PARM1: variants seen among roughly 807,000 people sequenced by gnomAD.
PARM1 encodes WSC4, cell wall integrity and stress response component 4 homolog.
In PARM1, 14 loss-of-function variants were observed where a neutral mutation model predicts 24.6. The observed-to-expected ratio is 0.57, with a 90% CI of 0.38 to 0.89. The LOEUF is 0.89. Among genes scored for constraint, PARM1 ranks in the 40% least tolerant of loss-of-function variants. PARM1 has a pLI of 0.00. For synonymous variants in PARM1, 179 were observed against 156.6 expected (o/e 1.14, Z -1.07); for missense variants, 362 against 380.4 (o/e 0.95, Z 0.40).
intron 1 of PARM1, among the ~76,000 whole-genome samples, chr4:75,001,305 G>A (rs898145784): frequency 6.6e-6 from 1 of 152,200 alleles, no homozygotes; most frequent in African/African-American, 2.4e-5. Flanking sequence ...TAAATGATGA[G>A]TTAGTAATAC....
At chr4:75,014,428 G>T (rs151038358) in intron 2 of PARM1, among the ~76,000 whole-genome samples, 2 of 152,232 alleles carry the variant, frequency 1.3e-5, no homozygotes, top group African/African-American at 4.8e-5. Flanking sequence ...GAACCACAGG[G>T]GGTCACAATA....
intron 2 of PARM1, among the ~76,000 whole-genome samples, chr4:75,016,003 G>T (rs1722979089): frequency 6.6e-6 from 1 of 152,146 alleles, no homozygotes; most frequent in Admixed American, 6.5e-5. Context: ...ATTCTGTGTG[G>T]GTTCACGTAG....
At chr4:74,957,718 G>A (rs1274149238) in intron 1 of PARM1, among the ~76,000 whole-genome samples, 3 of 152,170 alleles carry the variant, frequency 2.0e-5, no homozygotes, top group African/African-American at 7.2e-5. Flanking sequence ...GGGAATTGGG[G>A]TGGTGCTGTT....
intron 2 of PARM1, among the ~76,000 whole-genome samples, chr4:75,028,044 T>C (rs376644673): frequency 3.3e-5 from 5 of 152,346 alleles, no homozygotes; most frequent in African/African-American, 4.8e-5. Context: ...TGTGACTCAG[T>C]TTCCCCAACT....
chr4:74,943,626 G>A (rs1721355172), intron 1 of PARM1, among the ~76,000 whole-genome samples: 1 of 152,132 alleles, frequency 6.6e-6, no homozygotes, highest in Admixed American at 6.5e-5. Flanking sequence ...TTTATTTGGT[G>A]CCATAGACAT....
At chr4:74,999,328 C>A (rs1284004486) in intron 1 of PARM1, among the ~76,000 whole-genome samples, 2 of 152,216 alleles carry the variant, frequency 1.3e-5, no homozygotes, top group Admixed American at 1.3e-4. Flanking sequence ...TACTTAATTA[C>A]TTACCAGTCC....
At chr4:75,039,667 A>C (rs1359524136) in intron 3 of PARM1, among the ~76,000 whole-genome samples, 1 of 152,166 alleles carries the variant, frequency 6.6e-6, no homozygotes. Context: ...CAAGGATCAC[A>C]CTTTGAGTAG....
chr4:75,040,075 G>A (rs944609241), intron 3 of PARM1, among the ~76,000 whole-genome samples: 7 of 152,282 alleles, frequency 4.6e-5, no homozygotes, highest in Admixed American at 2.0e-4. Context: ...AGTACCTGAC[G>A]TATAGTAGTT....
At chr4:74,951,523 G>A (rs550893769) in intron 1 of PARM1, among the ~76,000 whole-genome samples, 1 of 152,176 alleles carries the variant, frequency 6.6e-6, no homozygotes, top group Non-Finnish European at 1.5e-5. Flanking sequence ...ATGTGCCATG[G>A]TGGTTTGCTG....
At chr4:74,999,435 A>G (rs1191508451) in intron 1 of PARM1, among the ~76,000 whole-genome samples, 1 of 152,206 alleles carries the variant, frequency 6.6e-6, no homozygotes, top group African/African-American at 2.4e-5. Flanking sequence ...ACCTTTATTC[A>G]GAGAGGTCAG....
intron 1 of PARM1, among the ~76,000 whole-genome samples, chr4:74,990,858 A>G (rs1722453692): frequency 6.6e-6 from 1 of 152,172 alleles, no homozygotes. Context: ...GACAAAGATA[A>G]TAGCTGAAGC....
chr4:75,024,307 T>C (rs1262919343), intron 2 of PARM1, among the ~76,000 whole-genome samples: 3 of 151,418 alleles, frequency 2.0e-5, no homozygotes, highest in African/African-American at 2.4e-5. Flanking sequence ...ATTAATGACA[T>C]GGAGTAAGGC....
intron 1 of PARM1, chr4:74,956,642 C>A (rs1447316869): frequency 1.3e-5 from 2 of 152,110 alleles, no homozygotes; most frequent in East Asian, 3.8e-4. Context: ...AACAGGGGGA[C>A]TGTGAGAGAG....
intron 2 of PARM1, among the ~76,000 whole-genome samples, chr4:75,027,239 C>T (rs139566285): frequency 9.2e-5 from 14 of 152,244 alleles, no homozygotes; most frequent in Non-Finnish European, 1.8e-4. Context: ...CACTTGTCTC[C>T]GCCATGGAGT....
chr4:75,007,770 G>A (rs1308510482), intron 1 of PARM1, among the ~76,000 whole-genome samples: 1 of 152,136 alleles, frequency 6.6e-6, no homozygotes, highest in East Asian at 1.9e-4. Context: ...AGATCATGTG[G>A]GTGGGGCCCT....
chr4:75,006,096 A>G (rs1722763160), intron 1 of PARM1, among the ~76,000 whole-genome samples: 2 of 152,230 alleles, frequency 1.3e-5, no homozygotes, highest in South Asian at 4.1e-4. Flanking sequence ...TTCTTCAAAG[A>G]AAAGTGGCTG....
At chr4:75,036,640 A>T (rs1451629730) in intron 3 of PARM1, among the ~76,000 whole-genome samples, 1 of 152,226 alleles carries the variant, frequency 6.6e-6, no homozygotes, top group Non-Finnish European at 1.5e-5. Context: ...CAGTTCTGCC[A>T]TCACAGTACT....
At chr4:75,036,729 A>G (rs950063529) in intron 3 of PARM1, among the ~76,000 whole-genome samples, 1 of 152,212 alleles carries the variant, frequency 6.6e-6, no homozygotes, top group Admixed American at 6.5e-5. Flanking sequence ...ATTTTAAGCT[A>G]TATTTTCCCC....
intron 1 of PARM1, among the ~76,000 whole-genome samples, chr4:74,987,864 C>G (rs1244102421): frequency 2.0e-5 from 3 of 152,188 alleles, no homozygotes; most frequent in Non-Finnish European, 4.4e-5. Flanking sequence ...TTATTCAAGA[C>G]ACAAGCAGAT....
Sources: allele counts gnomAD v4.1 joint callset (sites outside exome capture counted in the v4.1 genomes callset), GRCh38; gene constraint gnomAD v4.1.1; transcripts MANE v1.5; gene names NCBI Gene and HGNC (gene_info 2026-07-23, HGNC 2026-07-21).